Variants in CACNA1D observed in about 807,000 individuals in gnomAD.
CACNA1D encodes the protein voltage-dependent L-type calcium channel subunit alpha-1D.
Under a neutral mutation model 257.1 loss-of-function variants are expected in CACNA1D, and 55 were observed. That is an observed-to-expected ratio of 0.21 (90% confidence interval 0.17 to 0.27). CACNA1D has a LOEUF of 0.27. Ranked by LOEUF, CACNA1D falls within the 10% of genes least tolerant of loss-of-function variation. The probability of loss-of-function intolerance (pLI) is 1.00; values close to 1 mark genes in which losing one functional copy is unlikely to be tolerated. For synonymous variants in CACNA1D, 980 were observed against 1,014.9 expected, an observed-to-expected ratio of 0.97 and a Z score of 0.65; for missense variants, 1,876 against 2,784.0, an observed-to-expected ratio of 0.67 and a Z score of 7.34.
intron 14 of CACNA1D, among the ~76,000 whole-genome samples, chr3:53,725,004 C>CTTTT (rs35909723): frequency 0.046 from 6,645 of 145,046 alleles, 240 homozygotes; most frequent in African/African-American, 0.084. Flanking sequence ...AAACTGGTGT[C>CTTTT]TTTTTTTTTT....
At chr3:53,727,736 G>T (rs1046698823) in intron 15 of CACNA1D, among the ~76,000 whole-genome samples, 29 of 151,890 alleles carry the variant, frequency 1.9e-4, no homozygotes, top group African/African-American at 7.0e-4. Context: ...CATGAACGAC[G>T]TACACACTCA....
intron 3 of CACNA1D, among the ~76,000 whole-genome samples, chr3:53,605,026 A>G (rs538066281): frequency 4.1e-4 from 62 of 152,216 alleles, no homozygotes; most frequent in Non-Finnish European, 7.6e-4. Context: ...AAGAAGGTGC[A>G]CTTATGTGTG....
In CACNA1D at chr3:53,557,427, G is replaced by A. The variant is rs2092665649; in HGVS notation, c.483+55707G>A. Among the ~76,000 whole-genome samples the A allele has an allele frequency of 2.0e-5, 3 of 152,230 alleles. No individual in the cohort carries two copies. The South Asian group carries it at 6.2e-4, about 32-fold the overall frequency. ...GAGAATTGCTTGAACCCGGGAGGTG[G>A]AGGTTGCAGTGAGCCGAGATTGCGC... On this transcript the variant is annotated intron_variant, in intron 3 of 47. Transcript: ENST00000350061.
rs146812302 is a variant in CACNA1D at position 53,500,088 on chromosome 3, T to G, written c.378-1527T>G. On this transcript the variant is annotated intron_variant, in intron 2 of 47. Coordinates refer to ENST00000350061, the MANE Select transcript of CACNA1D (RefSeq NM_001128840.3). ...AAGCTCTTCGAAGATGAAGGTTTTA[T>G]GAAACTCAAGATCTCTCCAGAGGCC... Among the ~76,000 whole-genome samples, 474 of 151,970 alleles carry G rather than the reference T, an allele frequency of 3.1e-3. 4 individuals are homozygous for G. The highest frequency in any genetic ancestry group is 0.01 in the Middle Eastern group (3 of 294).
chr3:53,692,531 A>G (rs1042447011), intron 8 of CACNA1D, among the ~76,000 whole-genome samples: 3 of 152,182 alleles, frequency 2.0e-5, no homozygotes, highest in Non-Finnish European at 4.4e-5. Flanking sequence ...TAGGTGGTGC[A>G]TTCCTTCACT....
intron 3 of CACNA1D, among the ~76,000 whole-genome samples, chr3:53,639,388 C>G (rs1361293934): frequency 1.3e-5 from 2 of 151,646 alleles, no homozygotes; most frequent in Non-Finnish European, 2.9e-5. Context: ...CTCTCTCTCT[C>G]TCTTTTTTTT....
chr3:53,578,971 C>G (rs1575951853), intron 3 of CACNA1D, among the ~76,000 whole-genome samples: 1 of 152,050 alleles, frequency 6.6e-6, no homozygotes, highest in Non-Finnish European at 1.5e-5. Context: ...GAGTAAAGGG[C>G]CCAGACGAGG....
intron 22 of CACNA1D, among the ~76,000 whole-genome samples, chr3:53,743,927 A>T (rs1333034748): frequency 6.6e-6 from 1 of 152,056 alleles, no homozygotes; most frequent in Non-Finnish European, 1.5e-5. Context: ...CTCGCCTGCC[A>T]CTGAGGGAAC....
intron 3 of CACNA1D, among the ~76,000 whole-genome samples, chr3:53,509,883 G>A (rs970032214): frequency 2.0e-5 from 3 of 152,188 alleles, no homozygotes; most frequent in Admixed American, 1.3e-4. Context: ...ACAGCTATAA[G>A]AGGACGTATT....
intron 4 of CACNA1D, among the ~76,000 whole-genome samples, chr3:53,655,210 A>G (rs1268771734): frequency 6.6e-6 from 1 of 152,050 alleles, no homozygotes; most frequent in Non-Finnish European, 1.5e-5. Context: ...TCTTTATCCA[A>G]TCTGTATTGA....
intron 3 of CACNA1D, among the ~76,000 whole-genome samples, chr3:53,548,595 T>C (rs2092464815): frequency 6.6e-6 from 1 of 152,148 alleles, no homozygotes; most frequent in Admixed American, 6.5e-5. Context: ...CTTCTCTGGT[T>C]CTTCTTTCTT....
chr3:53,732,792 TA>T lies in CACNA1D; in HGVS notation c.2474-16del, dbSNP rs397897502. The T allele has an allele frequency of 1.5e-3, 2,367 of 1,607,386 alleles. 26 individuals carry two copies. The African/African-American group carries it at 0.028, about 19-fold the overall frequency. The stretch of plus-strand genomic sequence containing the variant: ...ATATGTAGTCTTTATTTCATGCCTA[TA>T]AAAAAAGTATTTCATTTAAAGTAGG... On this transcript the variant is annotated intron_variant, in intron 18 of 47. Coordinates refer to ENST00000350061, the MANE Select transcript of CACNA1D (RefSeq NM_001128840.3).
rs1421222942 is a variant in CACNA1D at position 53,745,710 on chromosome 3, T to G, written c.3093T>G (p.Cys1031Trp). Residue 1031 changes from cysteine (C) to tryptophan (W), a missense_variant, in exon 24 of 48, where the codon TGT (cysteine) becomes TGG (tryptophan). By Grantham distance (215) the Cys-to-Trp change is radical (BLOSUM62 -2). Transcript: ENST00000350061. ...CCCTCCTGCAGTTCATGTTTGCCTG[T>G]ATCGGGGTCCAGTTGTTCAAGGTAG... ...VTTLLQFMFA[C>W]IGVQLFKGKF... 4.3e-6 allele frequency: 7 copies of G among 1,613,688 alleles called. No homozygotes were observed. The highest frequency in any genetic ancestry group is 5.9e-6 in the Non-Finnish European group (7 of 1,179,684).
rs1559657474 is a variant in CACNA1D at position 53,770,635 on chromosome 3, G to T, written c.4044+83G>T. 16 of 1,373,498 alleles carry T rather than the reference G, an allele frequency of 1.2e-5. No individual in the cohort carries two copies. In the East Asian group the frequency reaches 3.5e-4, roughly 30 times the overall value. 85.1% of individuals were successfully genotyped at this position (1,373,498 alleles called of 1,614,324 possible). A position where few individuals can be genotyped will look rare whatever the true frequency, so the allele number is the denominator to read the frequency against. ...GATTGTCCCCATCCTAGAGGACCCAGGCTCCCCCTGTGTGGCCACTCTGTG... is the reference window on the plus strand; with the variant it reads ...GATTGTCCCCATCCTAGAGGACCCATGCTCCCCCTGTGTGGCCACTCTGTG... On this transcript the variant is annotated intron_variant, in intron 32 of 47. Transcript: ENST00000350061.
At chr3:53,679,270 CAAAAAAAAAAAAAAAAAAAAA>C (rs1166823497) in intron 8 of CACNA1D, 9 of 16,308 alleles carry the variant, frequency 5.5e-4, no homozygotes, top group East Asian at 2.0e-3. Context: ...AACTCCATCT[CAAAAAAAAAAAAAAAAAAAAA>C]AAAAAAAAAA....
Position 53,797,502 on chromosome 3 carries a change from T to C in CACNA1D, c.4924-2747T>C, listed in dbSNP as rs547492553. On this transcript the variant is annotated intron_variant, in intron 40 of 47. Transcript: ENST00000350061. ...CTTCTCTCCTCCTCTAATGTCTCTT[T>C]AATAAATATGTTGTCATTATTTGTC... Among the ~76,000 whole-genome samples the C allele has an allele frequency of 5.5e-4, 84 of 152,376 alleles. 1 individual carries two copies. The highest frequency in any genetic ancestry group is 2.0e-3 in the African/African-American group (83 of 41,596).
At chr3:53,791,971 AC>A (rs2106651621) in intron 40 of CACNA1D, 1 of 152,328 alleles carries the variant, frequency 6.6e-6, no homozygotes, top group South Asian at 2.1e-4. Context: ...AATAATGTCG[AC>A]CTACCTCACA....
intron 3 of CACNA1D, among the ~76,000 whole-genome samples, chr3:53,634,427 T>C (rs1394519664): frequency 6.6e-6 from 1 of 152,222 alleles, no homozygotes; most frequent in Non-Finnish European, 1.5e-5. Flanking sequence ...ATGGTTGTGA[T>C]TTCAAGGTGC....
intron 3 of CACNA1D, among the ~76,000 whole-genome samples, chr3:53,626,241 G>A (rs1176230839): frequency 1.3e-5 from 2 of 152,192 alleles, no homozygotes; most frequent in African/African-American, 4.8e-5. Context: ...ATGAAGAGGA[G>A]GGGGTGAATG....
Sources: allele counts gnomAD v4.1 joint callset (sites outside exome capture counted in the v4.1 genomes callset), GRCh38; gene constraint gnomAD v4.1.1; transcripts MANE v1.5; gene names NCBI Gene and HGNC (gene_info 2026-07-23, HGNC 2026-07-21).